Variants in SLC33A1 observed in about 807,000 individuals in gnomAD.
SLC33A1 encodes solute carrier family 33 member 1, also known as acetyl-coenzyme A transporter 1.
A neutral mutation model predicts 50.0 loss-of-function variants in SLC33A1; 20 were observed. The observed-to-expected ratio is 0.40, with a 90% CI of 0.28 to 0.58. The LOEUF (loss-of-function observed/expected upper bound fraction) is 0.58. SLC33A1 is among the 20% of genes least tolerant of loss of function. SLC33A1 has a pLI of 0.44. For missense variants in SLC33A1, 476 were observed against 657.0 expected (o/e 0.72, Z 3.01); for synonymous variants, 265 against 251.8 (o/e 1.05, Z -0.50).
chr3:155,836,300 A>G (rs1175376508), intron 2 of SLC33A1, among the ~76,000 whole-genome samples: 10 of 144,038 alleles, frequency 6.9e-5, no homozygotes, highest in Non-Finnish European at 1.5e-4. Flanking sequence ...AAAAAAAAAA[A>G]AAAAAAAAAA....
At position 155,854,039 on chromosome 3, in the gene SLC33A1, TGA is replaced by T. The variant is rs1560025754; in HGVS notation, c.-44_-43del. ...AGCCCCGTCTGTGGGGGGCCGAGGC[TGA>T]GCGTTTTGGATCCGTCCAGTCCCAG... On this transcript the variant is annotated 5_prime_UTR_variant, in exon 1 of 6. Coordinates refer to ENST00000643144, the MANE Select transcript of SLC33A1 (RefSeq NM_004733.4). 1 of 1,499,820 alleles carries T rather than the reference TGA, an allele frequency of 6.7e-7. No individual in the cohort carries two copies. 92.9% of individuals were successfully genotyped at this position (1,499,820 alleles called of 1,614,324 possible). A position where few individuals can be genotyped will look rare whatever the true frequency, so the allele number is the denominator to read the frequency against.
In SLC33A1 at chr3:155,842,447, C is replaced by A. The variant is rs558773904; in HGVS notation, c.948G>T (p.Leu316=). 8.1e-6 allele frequency: 13 copies of A among 1,609,040 alleles called. No homozygotes were observed. The South Asian group carries it at 1.4e-4, about 18-fold the overall frequency. Residue 316 remains leucine (L), a synonymous_variant, in exon 2 of 6, where the codon CTG becomes CTT. Coordinates refer to ENST00000643144, the MANE Select transcript of SLC33A1 (RefSeq NM_004733.4). ...KMPAVLTFCL[L]ILTAKIGFSA... Reference sequence around the variant, plus strand: ...AATCTCTTACCTTTGCAGTTAGAATCAGAAGGCAAAATGTCAGAACTGCTG... The same window carrying A: ...AATCTCTTACCTTTGCAGTTAGAATAAGAAGGCAAAATGTCAGAACTGCTG...
At chr3:155,851,408 A>AT (rs11299299) in intron 1 of SLC33A1, among the ~76,000 whole-genome samples, 6 of 144,084 alleles carry the variant, frequency 4.2e-5, no homozygotes, top group South Asian at 2.3e-4. Context: ...ACACCCAGCT[A>AT]TTTTTTTTTT....
chr3:155,841,517 C>T (rs1184798178), intron 2 of SLC33A1, among the ~76,000 whole-genome samples: 1 of 152,132 alleles, frequency 6.6e-6, no homozygotes, highest in Non-Finnish European at 1.5e-5. Context: ...GAAATATTAA[C>T]TCCAACACTA....
At chr3:155,852,311 T>G (rs1185435584) in intron 1 of SLC33A1, among the ~76,000 whole-genome samples, 1 of 151,630 alleles carries the variant, frequency 6.6e-6, no homozygotes, top group African/African-American at 2.4e-5. Context: ...ACTATCTCAA[T>G]TAAAAAAAAG....
chr3:155,834,073 T>A lies in SLC33A1; in HGVS notation c.964-32A>T. On this transcript the variant is annotated intron_variant, in intron 2 of 5. Transcript: ENST00000643144. ...TATAAAAACAAAAAAGTATTTTAATTCGTGACTTATGAAATATTTTCCTCC... is the reference window on the plus strand; with the variant it reads ...TATAAAAACAAAAAAGTATTTTAATACGTGACTTATGAAATATTTTCCTCC... 2.5e-6 allele frequency: 4 copies of A among 1,577,436 alleles called. No individual in the cohort carries two copies. The East Asian group carries it at 9.0e-5, about 35-fold the overall frequency.
rs868065655 is a variant in SLC33A1, at chr3:155,829,741, T to C, written c.1429A>G (p.Lys477Glu). The C allele has an allele frequency of 1.9e-6, 3 of 1,614,144 alleles. No individual in the cohort carries two copies. The highest frequency in any genetic ancestry group is 3.3e-5 in the Admixed American group (2 of 60,016). ...ALWLVDPLTV[K>E]ECVGASNQNC... ...TGGTTTGATGCTCCTACACACTCTT[T>C]TACTGTGAGGGGATCTACAAGCCAA... The change falls in exon 5 of 6, where the codon AAA becomes GAA. Residue 477 changes from lysine to glutamate, a missense_variant. Physicochemically the swap from Lys to Glu is moderately conservative, Grantham distance 56 (BLOSUM62 1). Transcript: ENST00000643144.
At chr3:155,845,465 T>C (rs1753132723) in intron 1 of SLC33A1, among the ~76,000 whole-genome samples, 2 of 152,136 alleles carry the variant, frequency 1.3e-5, no homozygotes, top group African/African-American at 4.8e-5. Flanking sequence ...ATGTTGAGAT[T>C]ACAGGTGTGA....
intron 2 of SLC33A1, among the ~76,000 whole-genome samples, chr3:155,836,026 T>C (rs930081377): frequency 2.6e-5 from 4 of 151,846 alleles, no homozygotes; most frequent in Non-Finnish European, 5.9e-5. Context: ...GGCTCATGCC[T>C]GTAATTCCAG....
At chr3:155,830,208 C>CAAA (rs1182731725) in intron 4 of SLC33A1, among the ~76,000 whole-genome samples, 1 of 105,384 alleles carries the variant, frequency 9.5e-6, no homozygotes, top group African/African-American at 3.2e-5. Context: ...CTGAAAAATA[C>CAAA]AAAAAAAAAA....
chr3:155,827,863 G>A lies in SLC33A1; in HGVS notation c.*347C>T, dbSNP rs755021969. 2.5e-5 allele frequency: 6 copies of A among 237,766 alleles called. No individual in the cohort carries two copies. The highest frequency in any genetic ancestry group is 1.0e-4 in the Admixed American group (2 of 19,354). The allele number at this position is 237,766 out of a possible 1,614,324, so 14.7% of individuals were successfully genotyped here. On this transcript the variant is annotated 3_prime_UTR_variant, in exon 6 of 6. Coordinates refer to ENST00000643144, the MANE Select transcript of SLC33A1 (RefSeq NM_004733.4). ...TTTAAATACAGCTCAGCAGTGATAG[G>A]TACTAATAACAATACCTGACTACAT...
chr3:155,841,837 T>C (rs542045381), intron 2 of SLC33A1, among the ~76,000 whole-genome samples: 1 of 152,220 alleles, frequency 6.6e-6, no homozygotes, highest in Admixed American at 6.5e-5. Flanking sequence ...AACCTCTACG[T>C]CCTGGGTTCA....
At chr3:155,841,153 C>G (rs1241789322) in intron 2 of SLC33A1, among the ~76,000 whole-genome samples, 1 of 151,974 alleles carries the variant, frequency 6.6e-6, no homozygotes, top group Non-Finnish European at 1.5e-5. Context: ...GCAAACTCCA[C>G]CTCCCAGGCT....
At position 155,829,799 on chromosome 3, in the gene SLC33A1, A is replaced by G. The variant is rs140845120; in HGVS notation, c.1371T>C (p.Asn457=). 2.5e-5 allele frequency: 41 copies of G among 1,613,838 alleles called. No individual in the cohort carries two copies. The highest frequency in any genetic ancestry group is 3.3e-5 in the Non-Finnish European group (39 of 1,179,868). The change falls in exon 5 of 6, where the codon AAT becomes AAC. Residue 457 remains asparagine (N), a synonymous_variant. Coordinates refer to ENST00000643144, the MANE Select transcript of SLC33A1 (RefSeq NM_004733.4). ...CTGTAGAAGGCCAGTTTCCTCCCAG[A>G]TTGGACACGGTATTTAAAAGGGTCA... ...TYMTLLNTVS[N]LGGNWPSTVA... is the part of the protein sequence containing the mutation.
At chr3:155,832,167 T>C (rs1421894488) in intron 4 of SLC33A1, among the ~76,000 whole-genome samples, 2 of 151,192 alleles carry the variant, frequency 1.3e-5, no homozygotes, top group Non-Finnish European at 3.0e-5. Flanking sequence ...CACCTGAGGT[T>C]GGGAGTTCTA....
chr3:155,832,531 T>C (rs527615674), intron 4 of SLC33A1, among the ~76,000 whole-genome samples: 1 of 149,756 alleles, frequency 6.7e-6, no homozygotes, highest in South Asian at 2.1e-4. Context: ...ACTTTCAATA[T>C]AGAAGCTAAG....
chr3:155,828,912 T>C (rs1377639019), intron 5 of SLC33A1, among the ~76,000 whole-genome samples: 1 of 151,298 alleles, frequency 6.6e-6, no homozygotes, highest in Non-Finnish European at 1.5e-5. Context: ...TTTTTTTTTT[T>C]TTTTTTAAGA....
At chr3:155,838,684 A>G (rs554153749) in intron 2 of SLC33A1, among the ~76,000 whole-genome samples, 2 of 151,192 alleles carry the variant, frequency 1.3e-5, no homozygotes, top group South Asian at 2.1e-4. Context: ...CTGTCTCAAA[A>G]AAAAAAAAAA....
chr3:155,849,388 C>T (rs1431729364), intron 1 of SLC33A1, among the ~76,000 whole-genome samples: 1 of 151,952 alleles, frequency 6.6e-6, no homozygotes, highest in African/African-American at 2.4e-5. Context: ...TTTTTCTTAT[C>T]CTATTAATAA....
Sources: gnomAD v4.1 joint callset for allele counts (sites outside exome capture counted in the v4.1 genomes callset) on GRCh38, gnomAD v4.1.1 for gene constraint, MANE v1.5 for transcripts, NCBI Gene and HGNC (gene_info 2026-07-23, HGNC 2026-07-21) for gene names.